The following CELF5 variants were observed in gnomAD, a reference collection of about 807,000 sequenced individuals.
CELF5 encodes the protein CUG-BP and ETR-3 like factor 5.
CELF5 carries 6 observed loss-of-function variants against 54.9 expected under a neutral mutation model. The observed-to-expected ratio is 0.11, with a 90% CI of 0.06 to 0.22. CELF5 has a LOEUF of 0.22. Among genes scored for constraint, CELF5 ranks in the 10% least tolerant of loss-of-function variants. The pLI is 1.00. For missense variants in CELF5, 401 were observed against 678.6 expected, an observed-to-expected ratio of 0.59 and a Z score of 4.54; for synonymous variants, 271 against 290.9, an observed-to-expected ratio of 0.93 and a Z score of 0.70.
intron 4 of CELF5, 91 bp from the exon 5 acceptor site, chr19:3,277,940 T>C (rs766069219): frequency 1.9e-4 from 172 of 915,242 alleles, no homozygotes; most frequent in Non-Finnish European, 2.7e-4. Context: ...ACACTGGCCA[T>C]GTAGGTCTCT....
intron 9 of CELF5, 66 bp from the exon 10 acceptor site, chr19:3,285,876 G>C: frequency 1.1e-3 from 534 of 483,318 alleles, no homozygotes; most frequent in Non-Finnish European, 1.4e-3. Flanking sequence ...TCCCCGCCCA[G>C]CGGCCCAGGC....
intron 2 of CELF5, among the ~76,000 whole-genome samples, chr19:3,252,333 C>A (rs2079662727): frequency 6.6e-6 from 1 of 152,170 alleles, no homozygotes; most frequent in African/African-American, 2.4e-5. Flanking sequence ...GCACACCCAG[C>A]CTGATGAGTC....
intron 1 of CELF5, among the ~76,000 whole-genome samples, chr19:3,244,961 T>C (rs2079544397): frequency 7.0e-6 from 1 of 143,748 alleles, no homozygotes; most frequent in Admixed American, 6.9e-5. Flanking sequence ...GCATGCATCT[T>C]GTCTGCGTGT....
intron 1 of CELF5, among the ~76,000 whole-genome samples, chr19:3,237,845 C>G (rs2079437934): frequency 6.7e-6 from 1 of 149,926 alleles, no homozygotes; most frequent in South Asian, 2.1e-4. Flanking sequence ...GTCAGGAGAT[C>G]GAGACCATCC....
chr19:3,236,357 TC>T (rs1275308461), intron 1 of CELF5, among the ~76,000 whole-genome samples: 4 of 152,052 alleles, frequency 2.6e-5, no homozygotes, highest in Non-Finnish European at 4.4e-5. Context: ...GCCTCGTGGT[TC>T]CCATTTGGTG....
chr19:3,256,767 C>A (rs756734570), intron 2 of CELF5, among the ~76,000 whole-genome samples: 58 of 151,888 alleles, frequency 3.8e-4, no homozygotes, highest in Non-Finnish European at 7.5e-4. Context: ...GGGGTTTCAC[C>A]ATGTTGACCA....
intron 2 of CELF5, among the ~76,000 whole-genome samples, chr19:3,253,134 C>T (rs555150867): frequency 2.6e-5 from 4 of 151,850 alleles, no homozygotes; most frequent in South Asian, 2.1e-4. Context: ...ATCCCACAAC[C>T]GAACAAAAAA....
At chr19:3,246,974 G>A (rs2079575674) in intron 1 of CELF5, among the ~76,000 whole-genome samples, 1 of 152,144 alleles carries the variant, frequency 6.6e-6, no homozygotes, top group Non-Finnish European at 1.5e-5. Flanking sequence ...CCAAAAACAG[G>A]AAGCACTCAA....
intron 12 of CELF5, chr19:3,294,400 C>G (rs150916578): frequency 8.1e-6 from 1 of 123,664 alleles, no homozygotes; most frequent in African/African-American, 2.7e-5. Context: ...CTGGATGATT[C>G]GTTTTGATTT....
rs143918623 is a variant in CELF5 at position 3,263,486 on chromosome 19, G to A, written c.343-10386G>A. Reference sequence around the variant, plus strand: ...TGAGGCACACGAATCGCTTGAACCCGGGAGACGGAGGTTGCAGTGAGCCGA... The same window carrying A: ...TGAGGCACACGAATCGCTTGAACCCAGGAGACGGAGGTTGCAGTGAGCCGA... On this transcript the variant is annotated intron_variant, in intron 2 of 12. Transcript: ENST00000292672. Among the ~76,000 whole-genome samples, 162 of 148,208 alleles carry A rather than the reference G, an allele frequency of 1.1e-3. 2 individuals are homozygous for A. The East Asian group carries it at 0.028, about 26-fold the overall frequency.
At chr19:3,288,678 T>A (rs2145304628) in intron 10 of CELF5, among the ~76,000 whole-genome samples, 1 of 151,994 alleles carries the variant, frequency 6.6e-6, no homozygotes, top group Non-Finnish European at 1.5e-5. Flanking sequence ...TGAGACCCCA[T>A]CTCTACAAAA....
chr19:3,226,351 C>A lies in CELF5; in HGVS notation c.259+1353C>A, dbSNP rs374254279. ...AGGGTCTGGTGAGATGGGGCCCAGG[C>A]CTGTCACTTCAGCTAGACCCTCCAG... is the stretch of plus-strand genomic sequence containing the variant. On this transcript the variant is annotated intron_variant, in intron 1 of 12. Transcript: ENST00000292672. Among the ~76,000 whole-genome samples, 413 of 151,846 alleles carry A rather than the reference C, an allele frequency of 2.7e-3. 3 individuals are homozygous for A. The highest frequency in any genetic ancestry group is 8.3e-3 in the African/African-American group (343 of 41,402).
intron 2 of CELF5, among the ~76,000 whole-genome samples, chr19:3,259,091 C>T (rs1449613222): frequency 2.6e-5 from 4 of 151,980 alleles, no homozygotes; most frequent in Admixed American, 2.0e-4. Context: ...TGGGATGAGT[C>T]GAGAGATGGA....
intron 1 of CELF5, among the ~76,000 whole-genome samples, chr19:3,240,145 T>C (rs1357854774): frequency 1.4e-5 from 2 of 138,450 alleles, no homozygotes; most frequent in East Asian, 4.5e-4. Flanking sequence ...AGTAGCTGAG[T>C]AGCTGGAATT....
At chr19:3,277,671 G>A (rs556723106) in intron 4 of CELF5, among the ~76,000 whole-genome samples, 1 of 152,134 alleles carries the variant, frequency 6.6e-6, no homozygotes, top group African/African-American at 2.4e-5. Flanking sequence ...AGGTGCAGTG[G>A]CCTCTGTATG....
chr19:3,225,704 G>A (rs1033964136), intron 1 of CELF5: 11 of 508,012 alleles, frequency 2.2e-5, no homozygotes, highest in Non-Finnish European at 2.8e-5. Context: ...AGAGGCTCCC[G>A]TCGCTGCCCA....
chr19:3,232,471 G>A (rs2144983111), intron 1 of CELF5, among the ~76,000 whole-genome samples: 1 of 152,138 alleles, frequency 6.6e-6, no homozygotes, highest in South Asian at 2.1e-4. Flanking sequence ...TTGATCACAG[G>A]AGTTAGAGAT....
intron 2 of CELF5, chr19:3,270,515 A>T (rs1204924818): frequency 1.3e-5 from 2 of 149,540 alleles, no homozygotes; most frequent in Admixed American, 6.7e-5. Context: ...TCGGGCGGGC[A>T]GCGCGGGCAG....
intron 10 of CELF5, among the ~76,000 whole-genome samples, chr19:3,287,034 C>CAA (rs55661552): frequency 8.3e-4 from 86 of 103,506 alleles, no homozygotes; most frequent in Admixed American, 3.2e-3. Context: ...GACTCCGTCT[C>CAA]AAAAAAAAAA....
Sources: allele counts gnomAD v4.1 joint callset (sites outside exome capture counted in the v4.1 genomes callset), GRCh38; gene constraint gnomAD v4.1.1; transcripts MANE v1.5; gene names NCBI Gene and HGNC (gene_info 2026-07-23, HGNC 2026-07-21).